FAM13A: variants seen among roughly 807,000 people sequenced by gnomAD.
The protein encoded by FAM13A is family with sequence similarity 13 member A, also known as protein FAM13A.
In FAM13A, 76 loss-of-function variants were observed where a neutral mutation model predicts 129.6. The ratio of observed to expected loss-of-function variants is 0.59; its 90% confidence interval spans 0.49 to 0.71. The LOEUF (loss-of-function observed/expected upper bound fraction) is 0.71, where lower values mean the gene tolerates loss of function less well. Among genes scored for constraint, FAM13A ranks in the 30% least tolerant of loss-of-function variants. The pLI, the probability that FAM13A is intolerant of heterozygous loss-of-function variation, is 0.00. For missense variants in FAM13A, 1,108 were observed against 1,249.3 expected (o/e 0.89, Z 1.70); for synonymous variants, 443 against 449.9 (o/e 0.98, Z 0.20).
intron 6 of FAM13A, among the ~76,000 whole-genome samples, chr4:88,882,198 G>A (rs1036451148): frequency 1.3e-5 from 2 of 152,092 alleles, no homozygotes; most frequent in East Asian, 3.9e-4. Context: ...TCTAAAGTCA[G>A]GATGAAGGAA....
At chr4:88,942,396 G>A (rs1042762361) in intron 4 of FAM13A, among the ~76,000 whole-genome samples, 8 of 151,692 alleles carry the variant, frequency 5.3e-5, no homozygotes, top group African/African-American at 1.2e-4. Context: ...GTGAAACCCC[G>A]TCTCTACTAA....
rs1443871786 is a variant in FAM13A at position 88,908,021 on chromosome 4, T to C, written c.760-1559A>G. Among the ~76,000 whole-genome samples the C allele has an allele frequency of 4.6e-5, 7 of 152,366 alleles. No individual in the cohort carries two copies. In the East Asian group the frequency reaches 1.2e-3, roughly 25 times the overall value. ...CTAGGGACAAACATTCCCAGATGCA[T>C]AGGGGATTGGAAGCCTCTTCTAAGC... On this transcript the variant is annotated intron_variant, in intron 5 of 23. Coordinates refer to ENST00000264344, the MANE Select transcript of FAM13A (RefSeq NM_014883.4).
chr4:89,025,645 T>C (rs1365253467), intron 2 of FAM13A, among the ~76,000 whole-genome samples: 1 of 152,170 alleles, frequency 6.6e-6, no homozygotes, highest in Non-Finnish European at 1.5e-5. Context: ...ATATGATATA[T>C]ACATGTGGTA....
At chr4:88,972,402 A>C (rs1760235135) in intron 4 of FAM13A, among the ~76,000 whole-genome samples, 1 of 151,322 alleles carries the variant, frequency 6.6e-6, no homozygotes, top group South Asian at 2.1e-4. Context: ...CCCAGGTTCA[A>C]GCAACTCTCC....
At chr4:89,031,219 GTA>G (rs2149133167) in intron 1 of FAM13A, among the ~76,000 whole-genome samples, 1 of 151,980 alleles carries the variant, frequency 6.6e-6, no homozygotes, top group Non-Finnish European at 1.5e-5. Context: ...TTTCAACCAG[GTA>G]TATCTGGTGA....
intron 4 of FAM13A, among the ~76,000 whole-genome samples, chr4:88,975,714 C>T (rs1239071343): frequency 1.3e-5 from 2 of 152,178 alleles, no homozygotes; most frequent in East Asian, 3.9e-4. Flanking sequence ...ATGCTTTCTT[C>T]CATTTTTAAA....
At chr4:88,802,267 G>A (rs1470401046) in intron 8 of FAM13A, among the ~76,000 whole-genome samples, 1 of 151,512 alleles carries the variant, frequency 6.6e-6, no homozygotes, top group Non-Finnish European at 1.5e-5. Flanking sequence ...AACTGGGCTG[G>A]TAATCCCTAA....
In FAM13A at chr4:88,749,831, C is replaced by T. The variant is rs551703064; in HGVS notation, c.2019G>A (p.Gln673=). Residue 673 remains glutamine, a synonymous_variant, in exon 16 of 24, where the codon CAG becomes CAA. Coordinates refer to ENST00000264344, the MANE Select transcript of FAM13A (RefSeq NM_014883.4). The stretch of plus-strand genomic sequence containing the variant: ...ACTTCCGGATCTTCTTTTTAAGGCT[C>T]TGAATCCTTCGTGTGAGCTGGGCAG... ...LTPAQLTRRI[Q]SLKKKIRKFE... The T allele has an allele frequency of 1.7e-4, 275 of 1,614,184 alleles. 3 individuals are homozygous for T. In the South Asian group the frequency reaches 2.6e-3, roughly 15 times the overall value.
At chr4:88,819,739 G>A (rs999649840) in intron 7 of FAM13A, among the ~76,000 whole-genome samples, 6 of 152,032 alleles carry the variant, frequency 3.9e-5, no homozygotes, top group Non-Finnish European at 5.9e-5. Context: ...AACTTTTTCC[G>A]ATGCTAAGAA....
chr4:88,767,579 C>G lies in FAM13A; in HGVS notation c.1552G>C (p.Asp518His). The G allele has an allele frequency of 6.2e-7, 1 of 1,602,132 alleles. No individual in the cohort carries two copies. Among genetic ancestry groups the G allele is most frequent in the Middle Eastern group, 1.7e-4 (1 of 6,008 alleles). ...TCAAAATGCTGAGTGTGTCCACCAT[C>G]TTTTTCATTTCCTTTCCTATAAATA... ...MSDERKGNEK[D>H]GGHTQHFESP... Residue 518 changes from aspartate to histidine, a missense_variant, in exon 13 of 24, where the codon GAT becomes CAT. Asp to His is a moderately conservative substitution (Grantham distance 81, BLOSUM62 -1). Coordinates refer to ENST00000264344, the MANE Select transcript of FAM13A (RefSeq NM_014883.4).
intron 23 of FAM13A, 39 bp downstream of exon 23, chr4:88,731,288 G>T: frequency 8.7e-7 from 1 of 1,144,964 alleles, no homozygotes; most frequent in East Asian, 2.4e-5. Context: ...TGTGTGGTGC[G>T]GCGGGGGGGA....
chr4:89,001,015 G>A (rs1181258358), intron 3 of FAM13A, among the ~76,000 whole-genome samples: 3 of 152,250 alleles, frequency 2.0e-5, no homozygotes, highest in Non-Finnish European at 4.4e-5. Context: ...GCTCAGTCAT[G>A]GCTTCCCTTT....
chr4:89,006,675 C>T (rs192500616), intron 3 of FAM13A, among the ~76,000 whole-genome samples: 3 of 152,302 alleles, frequency 2.0e-5, no homozygotes, highest in African/African-American at 7.2e-5. Context: ...ACACCCTGCC[C>T]TCTTGGTACC....
intron 6 of FAM13A, among the ~76,000 whole-genome samples, chr4:88,854,344 C>T (rs953536807): frequency 5.9e-5 from 9 of 152,132 alleles, no homozygotes; most frequent in South Asian, 2.1e-4. Flanking sequence ...CTCCAAATCG[C>T]GCCAACAGCC....
intron 8 of FAM13A, among the ~76,000 whole-genome samples, chr4:88,799,650 A>T (rs1727017155): frequency 1.3e-5 from 2 of 152,120 alleles, no homozygotes; most frequent in Non-Finnish European, 2.9e-5. Flanking sequence ...ATGCACGGCT[A>T]ATTTTTTGTA....
At chr4:88,915,701 T>C (rs1458552) in intron 5 of FAM13A, among the ~76,000 whole-genome samples, 28,054 of 152,162 alleles carry the variant, frequency 0.18, 2,752 homozygotes, top group African/African-American at 0.2. Flanking sequence ...GTATTTGTCC[T>C]CTCCAAAAGT....
chr4:89,044,297 A>G (rs1050573143), intron 1 of FAM13A, among the ~76,000 whole-genome samples: 9 of 152,206 alleles, frequency 5.9e-5, no homozygotes, highest in Non-Finnish European at 8.8e-5. Flanking sequence ...ATAAGACATA[A>G]TGTGGCTAAT....
chr4:88,731,806 C>T (rs115045943), intron 22 of FAM13A, 196 bp downstream of exon 22: 15,727 of 542,758 alleles, frequency 0.029, 316 homozygotes, highest in Non-Finnish European at 0.035. Flanking sequence ...AAACAAGACT[C>T]AAAAGTTCCC....
intron 7 of FAM13A, among the ~76,000 whole-genome samples, chr4:88,842,720 C>T (rs1736032842): frequency 6.6e-6 from 1 of 152,178 alleles, no homozygotes; most frequent in Admixed American, 6.5e-5. Context: ...GATCTAAATG[C>T]CACTAGAAAT....
Sources: allele counts gnomAD v4.1 joint callset (sites outside exome capture counted in the v4.1 genomes callset), GRCh38; gene constraint gnomAD v4.1.1; transcripts MANE v1.5; gene names NCBI Gene and HGNC (gene_info 2026-07-23, HGNC 2026-07-21).